The following ATXN1 variants were observed in gnomAD, a reference collection of about 807,000 sequenced individuals.
ATXN1 encodes the protein ataxin 1, also known as ataxin-1.
A neutral mutation model predicts 56.4 loss-of-function variants in ATXN1; 8 were observed. The ratio of observed to expected loss-of-function variants is 0.14; its 90% CI spans 0.08 to 0.26. ATXN1 has a LOEUF of 0.26. ATXN1 is among the 10% of genes least tolerant of loss of function. The pLI is 1.00. For synonymous variants in ATXN1, 514 were observed against 494.6 expected, an observed-to-expected ratio of 1.04 and a Z score of -0.52; for missense variants, 987 against 1,106.5, an observed-to-expected ratio of 0.89 and a Z score of 1.53.
Position 16,682,823 on chromosome 6 carries a change from T to C in ATXN1, c.-614-24922A>G, listed in dbSNP as rs1030587855. ...CAAGAGACTTCCTAAGAGTGTTTTATAGTATTTTACATGGCAAGACTCTTA... is the reference window on the plus strand; with the variant it reads ...CAAGAGACTTCCTAAGAGTGTTTTACAGTATTTTACATGGCAAGACTCTTA... On this transcript the variant is annotated intron_variant, in intron 2 of 7. Coordinates refer to ENST00000436367, the MANE Select transcript of ATXN1 (RefSeq NM_001128164.2). Among the ~76,000 whole-genome samples, 11 of 152,250 alleles carry C rather than the reference T, an allele frequency of 7.2e-5. 1 individual carries two copies. Among genetic ancestry groups the C allele is most frequent in the South Asian group, 4.1e-4 (2 of 4,836 alleles).
intron 6 of ATXN1, among the ~76,000 whole-genome samples, chr6:16,394,660 T>A (rs1203422799): frequency 1.3e-5 from 2 of 152,212 alleles, no homozygotes; most frequent in African/African-American, 4.8e-5. Context: ...TTAAGTCCTA[T>A]CTTTTAAGTA....
intron 2 of ATXN1, among the ~76,000 whole-genome samples, chr6:16,706,615 C>G (rs1291416002): frequency 6.6e-6 from 1 of 151,648 alleles, no homozygotes; most frequent in East Asian, 1.9e-4. Context: ...ATCCTAGCTA[C>G]TCAGGAGACT....
intron 3 of ATXN1, among the ~76,000 whole-genome samples, chr6:16,588,890 T>G (rs908626747): frequency 6.6e-6 from 1 of 152,196 alleles, no homozygotes; most frequent in Non-Finnish European, 1.5e-5. Context: ...TAAATCGTTT[T>G]CCAGCACACA....
chr6:16,327,302 G>A lies in ATXN1; in HGVS notation c.1009C>T (p.Pro337Ser), dbSNP rs139679034. Residue 337 changes from proline to serine, a missense_variant, in exon 7 of 8, where the codon CCG becomes TCG. Physicochemically the swap from Pro to Ser is moderately conservative, Grantham distance 74. Transcript: ENST00000436367. ...EMEKSRRYGA[P>S]SSADLGLGKA... ...CCCAGGCCCAGGTCGGCTGAGGACG[G>A]GGCCCCGTACCGCCGGCTCTTCTCC... 13 of 1,613,220 alleles carry A rather than the reference G, an allele frequency of 8.1e-6. No individual in the cohort carries two copies. The highest frequency in any genetic ancestry group is 1.7e-5 in the Admixed American group (1 of 60,028).
intron 5 of ATXN1, among the ~76,000 whole-genome samples, chr6:16,488,488 T>C (rs186349667): frequency 6.6e-6 from 1 of 152,338 alleles, no homozygotes; most frequent in African/African-American, 2.4e-5. Context: ...TCTGTTTACT[T>C]ACCCACATGA....
intron 3 of ATXN1, among the ~76,000 whole-genome samples, chr6:16,601,014 A>G (rs1354164301): frequency 2.0e-5 from 3 of 152,194 alleles, no homozygotes; most frequent in Non-Finnish European, 4.4e-5. Flanking sequence ...TAGGGGAGGT[A>G]ATAACAAAGG....
At position 16,752,974 on chromosome 6, in the gene ATXN1, T is replaced by C. The variant is rs536907585; in HGVS notation, c.-615+259A>G. 1.4e-3 allele frequency: 415 copies of C among 289,328 alleles called. 10 individuals are homozygous for C. Among genetic ancestry groups the C allele is most frequent in the South Asian group, 0.011 (365 of 33,000 alleles). 17.9% of individuals were successfully genotyped at this position (289,328 alleles called of 1,614,324 possible). A position where few individuals can be genotyped will look rare whatever the true frequency, so the allele number is the denominator to read the frequency against. On this transcript the variant is annotated intron_variant, in intron 2 of 7. Transcript: ENST00000436367. Reference sequence around the variant, plus strand: ...TAAAATGATGAGGTTCAAGCCCCAATTGGCAATTATCAATCATCGCAAAGT... The same window carrying C: ...TAAAATGATGAGGTTCAAGCCCCAACTGGCAATTATCAATCATCGCAAAGT...
At chr6:16,473,467 G>A (rs1760262094) in intron 6 of ATXN1, among the ~76,000 whole-genome samples, 1 of 152,170 alleles carries the variant, frequency 6.6e-6, no homozygotes, top group Non-Finnish European at 1.5e-5. Context: ...CCTATCCGAG[G>A]TCAGAGAAGC....
At chr6:16,312,370 G>C (rs1239387118) in intron 7 of ATXN1, among the ~76,000 whole-genome samples, 1 of 151,660 alleles carries the variant, frequency 6.6e-6, no homozygotes, top group Non-Finnish European at 1.5e-5. Flanking sequence ...GTACAATTGT[G>C]AAATAGCAAA....
Position 16,694,252 on chromosome 6 carries a change from CT to C in ATXN1, c.-614-36352del, listed in dbSNP as rs537104749. Among the ~76,000 whole-genome samples the C allele has an allele frequency of 3.4e-3, 421 of 122,722 alleles. 2 individuals are homozygous for C. Among genetic ancestry groups the C allele is most frequent in the African/African-American group, 9.2e-3 (288 of 31,464 alleles). 80.5% of individuals were successfully genotyped at this position (122,722 alleles called of 152,430 possible). On this transcript the variant is annotated intron_variant, in intron 2 of 7. Transcript: ENST00000436367. ...GTTTTGTCACTTCTTTTTTTTTTTT[CT>C]TTTTTTTTTTTTTTTAAGAGACGGA...
intron 6 of ATXN1, among the ~76,000 whole-genome samples, chr6:16,431,579 A>C (rs1274759923): frequency 6.6e-6 from 1 of 152,234 alleles, no homozygotes; most frequent in Non-Finnish European, 1.5e-5. Context: ...AAGCATTTCA[A>C]AATAGTGATG....
intron 3 of ATXN1, among the ~76,000 whole-genome samples, chr6:16,649,924 A>G (rs1206217710): frequency 6.6e-6 from 1 of 151,912 alleles, no homozygotes; most frequent in African/African-American, 2.4e-5. Flanking sequence ...AATAGCGGTA[A>G]CACAGCAAGA....
At chr6:16,483,120 T>C (rs998348511) in intron 6 of ATXN1, among the ~76,000 whole-genome samples, 1 of 152,110 alleles carries the variant, frequency 6.6e-6, no homozygotes, top group African/African-American at 2.4e-5. Flanking sequence ...TCTCTTCTTG[T>C]ACAAGATCCC....
chr6:16,717,798 GC>G (rs1759668857), intron 2 of ATXN1, among the ~76,000 whole-genome samples: 1 of 152,182 alleles, frequency 6.6e-6, no homozygotes, highest in Non-Finnish European at 1.5e-5. Flanking sequence ...GTCTCCAAAA[GC>G]AGGGGCAGAA....
At chr6:16,712,476 G>C (rs935803173) in intron 2 of ATXN1, among the ~76,000 whole-genome samples, 11 of 152,076 alleles carry the variant, frequency 7.2e-5, no homozygotes, top group South Asian at 4.1e-4. Flanking sequence ...GAGTCAGAAG[G>C]GGAAGGTATA....
intron 4 of ATXN1, among the ~76,000 whole-genome samples, chr6:16,556,674 G>C (rs1409918890): frequency 2.0e-5 from 3 of 152,136 alleles, no homozygotes; most frequent in Non-Finnish European, 4.4e-5. Flanking sequence ...ACTGTTAATG[G>C]GGGAACATGA....
In ATXN1 at chr6:16,634,860, C is replaced by G. The variant is rs576857815; in HGVS notation, c.-489+22916G>C. 4.1e-4 allele frequency among the ~76,000 whole-genome samples: 62 copies of G among 152,268 alleles called. No individual in the cohort carries two copies. The South Asian group carries it at 0.012, about 30-fold the overall frequency. ...CTCAGCTCAGTACTTGGAGACACAG[C>G]ACTCTGAAAATGTCTGTAGCTTTCA... On this transcript the variant is annotated intron_variant, in intron 3 of 7. Transcript: ENST00000436367.
At chr6:16,437,296 G>A (rs1319342934) in intron 6 of ATXN1, among the ~76,000 whole-genome samples, 2 of 152,192 alleles carry the variant, frequency 1.3e-5, no homozygotes, top group South Asian at 2.1e-4. Flanking sequence ...AGGCTGTATC[G>A]GCTGTGGGTG....
chr6:16,495,021 G>T (rs955547433), intron 5 of ATXN1, among the ~76,000 whole-genome samples: 3 of 152,196 alleles, frequency 2.0e-5, no homozygotes, highest in Non-Finnish European at 4.4e-5. Context: ...ATGCCTGCTT[G>T]AAAAGGTCAG....
Sources: gnomAD v4.1 joint callset for allele counts (sites outside exome capture counted in the v4.1 genomes callset) on GRCh38, gnomAD v4.1.1 for gene constraint, MANE v1.5 for transcripts, NCBI Gene and HGNC (gene_info 2026-07-23, HGNC 2026-07-21) for gene names.